Variants in ACSM3 observed in about 807,000 individuals in gnomAD.
ACSM3 encodes the protein acyl-CoA synthetase medium chain family member 3, also known as acyl-coenzyme A synthetase ACSM3, mitochondrial.
Under a neutral mutation model 74.1 loss-of-function variants are expected in ACSM3, and 61 were observed. The ratio of observed to expected loss-of-function variants is 0.82; its 90% confidence interval spans 0.67 to 1.02. The LOEUF is 1.02. Ranked by LOEUF, ACSM3 falls within the 50% of genes least tolerant of loss-of-function variation. The pLI, the probability that ACSM3 is intolerant of heterozygous loss-of-function variation, is 0.00. For missense variants in ACSM3, 660 were observed against 697.0 expected (o/e 0.95, Z 0.60); for synonymous variants, 213 against 241.5 (o/e 0.88, Z 1.09).
intron 1 of ACSM3, among the ~76,000 whole-genome samples, chr16:20,727,839 T>C (rs961179443): frequency 1.3e-5 from 2 of 152,142 alleles, no homozygotes; most frequent in African/African-American, 4.8e-5. Flanking sequence ...GTTTTCAAAG[T>C]GACCAGTGGT....
chr16:20,758,694 C>T (rs1420933073), intron 3 of ACSM3, among the ~76,000 whole-genome samples: 2 of 151,630 alleles, frequency 1.3e-5, no homozygotes. Flanking sequence ...TTTGCTCTTG[C>T]TTTTCTAGTT....
intron 3 of ACSM3, 31 bp downstream of exon 3, chr16:20,776,080 A>T: frequency 1.2e-6 from 2 of 1,607,622 alleles, no homozygotes; most frequent in South Asian, 2.2e-5. Flanking sequence ...GATCATATTT[A>T]TTACTAAGCT....
exon 2 of ACSM3, chr16:20,749,952 C>T (rs1204152802): frequency 2.0e-5 from 3 of 152,308 alleles, no homozygotes; most frequent in East Asian, 1.9e-4. Context: ...CAACTGCCCA[C>T]CACAGGTCCC....
intron 1 of ACSM3, among the ~76,000 whole-genome samples, chr16:20,689,357 G>C (rs1255538451): frequency 6.6e-6 from 1 of 151,950 alleles, no homozygotes; most frequent in African/African-American, 2.4e-5. Context: ...AAAAACTCAA[G>C]TAAACACAAA....
chr16:20,685,838 A>C (rs1310600830), intron 1 of ACSM3, among the ~76,000 whole-genome samples: 1 of 125,602 alleles, frequency 8.0e-6, no homozygotes, highest in Non-Finnish European at 1.9e-5. Context: ...AAAACAAACA[A>C]AAAAAAAACA....
chr16:20,722,954 A>G (rs1175485766), intron 1 of ACSM3, among the ~76,000 whole-genome samples: 3 of 152,124 alleles, frequency 2.0e-5, no homozygotes, highest in Admixed American at 6.5e-5. Context: ...GGTTTGTTAC[A>G]TATGTATACA....
intron 1 of ACSM3, among the ~76,000 whole-genome samples, chr16:20,687,196 A>C (rs1467634096): frequency 6.6e-6 from 1 of 152,082 alleles, no homozygotes; most frequent in African/African-American, 2.4e-5. Context: ...CATAATTTGA[A>C]TATGATGTTG....
chr16:20,761,126 A>G (rs2080073383), upstream of ACSM3, among the ~76,000 whole-genome samples: 2 of 150,746 alleles, frequency 1.3e-5, no homozygotes, highest in African/African-American at 2.4e-5. Flanking sequence ...ACGGAGTCTC[A>G]CTCTGTCGCC....
chr16:20,747,455 C>A (rs2079962620), intron 1 of ACSM3, among the ~76,000 whole-genome samples: 1 of 152,130 alleles, frequency 6.6e-6, no homozygotes, highest in Non-Finnish European at 1.5e-5. Flanking sequence ...ACTGGCCAAC[C>A]CCCTTTCAAA....
chr16:20,791,890 T>C (rs1336934341), intron 10 of ACSM3, 112 bp from the exon 11 acceptor site: 10 of 1,284,400 alleles, frequency 7.8e-6, no homozygotes, highest in Non-Finnish European at 9.6e-6. Context: ...ATCGTACTAC[T>C]GCACTCCAGC....
chr16:20,710,931 A>C (rs2079741958), intron 1 of ACSM3, among the ~76,000 whole-genome samples: 1 of 152,052 alleles, frequency 6.6e-6, no homozygotes, highest in African/African-American at 2.4e-5. Flanking sequence ...CTAAGAATAC[A>C]AAAAATTAGC....
chr16:20,715,241 C>T (rs1185206424), intron 1 of ACSM3, among the ~76,000 whole-genome samples: 1 of 152,074 alleles, frequency 6.6e-6, no homozygotes, highest in Non-Finnish European at 1.5e-5. Flanking sequence ...TGATCTTTTT[C>T]TATTTTAAGG....
rs778239725 is a variant in ACSM3 at position 20,790,538 on chromosome 16, C to A, written c.1225-49C>A. Reference sequence around the variant, plus strand: ...ACTTGCAAAGTTAATATTTAAGCTGCGACATTAAACAAAAATTTCCTTAAA... The same window carrying A: ...ACTTGCAAAGTTAATATTTAAGCTGAGACATTAAACAAAAATTTCCTTAAA... On this transcript the variant is annotated intron_variant, in intron 9 of 13. Coordinates refer to ENST00000289416, the MANE Select transcript of ACSM3 (RefSeq NM_005622.4). This position sits in a 1 kb window ranked among gnomAD's most constrained non-coding sequence, Gnocchi z 4.0. 8.0e-5 allele frequency: 121 copies of A among 1,521,844 alleles called. No homozygotes were observed. In the East Asian group the frequency reaches 2.5e-3, roughly 32 times the overall value. 94.3% of individuals were successfully genotyped at this position (1,521,844 alleles called of 1,614,324 possible). A position where few individuals can be genotyped will look rare whatever the true frequency, so the allele number is the denominator to read the frequency against.
In ACSM3 at chr16:20,727,546, G is replaced by C. The variant is rs1392940489; in HGVS notation, c.-189-22364G>C. ...AGGATTTTCAACCTGAGCCCCTGAAGTGCCTCCATCCCACTCTAAATTTTT... is the reference window on the plus strand; with the variant it reads ...AGGATTTTCAACCTGAGCCCCTGAACTGCCTCCATCCCACTCTAAATTTTT... On this transcript the variant is annotated intron_variant, in intron 1 of 3. Transcript: ENST00000561584. 1.4e-5 allele frequency: 4 copies of C among 290,406 alleles called. No individual in the cohort carries two copies. The East Asian group carries it at 4.9e-4, about 36-fold the overall frequency. 18.0% of individuals were successfully genotyped at this position (290,406 alleles called of 1,614,324 possible).
intron 1 of ACSM3, among the ~76,000 whole-genome samples, chr16:20,693,413 G>T (rs969926903): frequency 6.6e-6 from 1 of 152,164 alleles, no homozygotes; most frequent in Admixed American, 6.5e-5. Flanking sequence ...GGAAAAAATG[G>T]CTTAAGCTGG....
chr16:20,784,431 T>C (rs1200366208), intron 7 of ACSM3: 1 of 152,776 alleles, frequency 6.5e-6, no homozygotes, highest in African/African-American at 2.4e-5. Context: ...CTGTATAGTA[T>C]TCCATTGTAT....
intron 1 of ACSM3, chr16:20,749,834 A>G (rs918993484): frequency 3.3e-5 from 5 of 152,254 alleles, no homozygotes; most frequent in Non-Finnish European, 7.3e-5. Context: ...GCCCTCAACA[A>G]TGGAGGCTCC....
At chr16:20,750,117 A>G (rs2079978563) in intron 2 of ACSM3, 1 of 152,266 alleles carries the variant, frequency 6.6e-6, no homozygotes, top group African/African-American at 2.4e-5. Context: ...TTAAGGGATA[A>G]TAAAGGGGGA....
In ACSM3 at chr16:20,725,468, A is replaced by T. The variant is rs868204052; in HGVS notation, c.-189-24442A>T. ...TACTTGGGCAGAAATTTCCACTTGA[A>T]CCACAAATGATAGCTACCATCCAGC... On this transcript the variant is annotated intron_variant, in intron 1 of 3. Coordinates refer to the ACSM3 transcript ENST00000561584. The T allele has an allele frequency of 4.9e-5, 10 of 204,090 alleles. No homozygotes were observed. In the Middle Eastern group the frequency reaches 2.5e-3, roughly 50 times the overall value. The allele number at this position is 204,090 out of a possible 1,614,324, so 12.6% of individuals were successfully genotyped here. A position where few individuals can be genotyped will look rare whatever the true frequency, so the allele number is the denominator to read the frequency against.
Sources: allele counts gnomAD v4.1 joint callset (sites outside exome capture counted in the v4.1 genomes callset), GRCh38; gene constraint gnomAD v4.1.1; non-coding constraint Gnocchi (gnomAD v3.1); transcripts MANE v1.5; gene names NCBI Gene and HGNC (gene_info 2026-07-23, HGNC 2026-07-21).